Variants in EIF4G3 observed in about 807,000 individuals in gnomAD.
The protein encoded by EIF4G3 is eIF-4-gamma 3.
A neutral mutation model predicts 186.4 loss-of-function variants in EIF4G3; 34 were observed. The observed-to-expected ratio is 0.18, with a 90% CI of 0.14 to 0.24. The LOEUF (loss-of-function observed/expected upper bound fraction) is 0.24. Ranked by LOEUF, EIF4G3 falls within the 10% of genes least tolerant of loss-of-function variation. EIF4G3 has a pLI of 1.00. For missense variants in EIF4G3, 1,536 were observed against 1,948.5 expected (o/e 0.79, Z 3.99); for synonymous variants, 673 against 679.5 (o/e 0.99, Z 0.15).
intron 2 of EIF4G3, among the ~76,000 whole-genome samples, chr1:21,124,549 G>C (rs140661022): frequency 6.6e-6 from 1 of 152,174 alleles, no homozygotes; most frequent in African/African-American, 2.4e-5. Context: ...TGACTTCTGG[G>C]AATAGTCAGA....
At chr1:21,101,573 A>AAAAAAAAAAAAAAC (rs1300347804) in intron 2 of EIF4G3, among the ~76,000 whole-genome samples, 25 of 140,240 alleles carry the variant, frequency 1.8e-4, no homozygotes, top group Middle Eastern at 3.8e-3. Context: ...AAAAAAAAAA[A>AAAAAAAAAAAAAAC]AACAACAAAA....
chr1:20,984,598 T>TA (rs2079039617), intron 7 of EIF4G3, among the ~76,000 whole-genome samples: 1 of 151,254 alleles, frequency 6.6e-6, no homozygotes, highest in Admixed American at 6.6e-5. Context: ...ATACACTTTT[T>TA]TTTTTTTTTG....
chr1:21,003,536 T>C, intron 4 of EIF4G3: 1 of 254,636 alleles, frequency 3.9e-6, no homozygotes, highest in Non-Finnish European at 7.9e-6. Flanking sequence ...AAGTATGTAT[T>C]ATGTTGCTAG....
At chr1:21,034,927 A>AAGGGGGAGCCCTGGGGCTGC (rs2093051779) in intron 4 of EIF4G3, among the ~76,000 whole-genome samples, 1 of 152,108 alleles carries the variant, frequency 6.6e-6, no homozygotes, top group South Asian at 2.1e-4. Flanking sequence ...TAAGCCAGGC[A>AAGGGGGAGCCCTGGGGCTGC]AGGGGGAGCC....
At chr1:21,082,745 G>C (rs954771050) in intron 3 of EIF4G3, among the ~76,000 whole-genome samples, 2 of 151,780 alleles carry the variant, frequency 1.3e-5, no homozygotes, top group African/African-American at 4.8e-5. Context: ...CTGTTAAAAA[G>C]TTTAAAAAAT....
intron 33 of EIF4G3, among the ~76,000 whole-genome samples, chr1:20,817,789 C>A (rs1024043881): frequency 3.3e-5 from 5 of 151,330 alleles, no homozygotes; most frequent in Non-Finnish European, 7.4e-5. Context: ...ATCCTCCCAC[C>A]TCAGCCTCCT....
chr1:20,811,886 A>C (rs535109926), intron 35 of EIF4G3, among the ~76,000 whole-genome samples: 1 of 152,262 alleles, frequency 6.6e-6, no homozygotes, highest in South Asian at 2.1e-4. Context: ...TAGAAAAGGA[A>C]ATTAAAGTGA....
In EIF4G3 at chr1:20,851,334, G is replaced by C. The variant is rs111282256; in HGVS notation, c.3696C>G (p.Thr1232=). Residue 1232 remains threonine, a synonymous_variant, in exon 28 of 37, where the codon ACC becomes ACG. Coordinates refer to ENST00000602326, the MANE Select transcript of EIF4G3 (RefSeq NM_001391906.1). ...QEEQRREMLE[T]VKQLTGGVDV... is the part of the protein sequence containing the mutation. ...CCACACCTCCTGTGAGCTGCTTCAC[G>C]GTCTCCAGCATCTCTCTCCGCTGCT... The C allele has an allele frequency of 1.2e-6, 2 of 1,614,022 alleles. No individual in the cohort carries two copies. Among genetic ancestry groups the C allele is most frequent in the Admixed American group, 1.7e-5 (1 of 59,994 alleles).
chr1:20,844,494 T>A (rs1334503412), intron 29 of EIF4G3, among the ~76,000 whole-genome samples: 1 of 152,094 alleles, frequency 6.6e-6, no homozygotes, highest in Non-Finnish European at 1.5e-5. Flanking sequence ...TTTTAGTGTG[T>A]GTTTTTTTTT....
intron 12 of EIF4G3, among the ~76,000 whole-genome samples, chr1:20,961,234 T>C (rs2096562020): frequency 6.6e-6 from 1 of 151,836 alleles, no homozygotes; most frequent in Non-Finnish European, 1.5e-5. Flanking sequence ...AACACAAAAA[T>C]TAGCTGGGCA....
chr1:20,952,243 C>T (rs1159890609), intron 12 of EIF4G3, among the ~76,000 whole-genome samples: 1 of 151,128 alleles, frequency 6.6e-6, no homozygotes, highest in Non-Finnish European at 1.5e-5. Flanking sequence ...AAACCTCTGC[C>T]TCCCAGGTTC....
intron 13 of EIF4G3, among the ~76,000 whole-genome samples, chr1:20,948,970 C>CAAA (rs34585901): frequency 4.1e-4 from 21 of 51,338 alleles, no homozygotes; most frequent in African/African-American, 6.4e-4. Context: ...GACTCTGTCT[C>CAAA]AAAAAAAAAA....
At position 21,176,758 on chromosome 1, in the gene EIF4G3, G is replaced by A. The variant is rs984657330; in HGVS notation, c.-492C>T. 5.7e-6 allele frequency: 4 copies of A among 698,648 alleles called. No individual in the cohort carries two copies. The highest frequency in any genetic ancestry group is 2.7e-5 in the East Asian group (1 of 36,770). The allele number at this position is 698,648 out of a possible 1,614,324, so 43.3% of individuals were successfully genotyped here. A position where few individuals can be genotyped will look rare whatever the true frequency, so the allele number is the denominator to read the frequency against. ...ATATCCTCATGGGCCGGCGGCGGGG[G>A]ATCTTTATCCCCCTCCCCGGAGGAA... On this transcript the variant is annotated 5_prime_UTR_variant, in exon 1 of 37. Transcript: ENST00000602326.
chr1:21,071,507 CACT>C (rs1422279084), intron 3 of EIF4G3, among the ~76,000 whole-genome samples: 4 of 152,154 alleles, frequency 2.6e-5, no homozygotes, highest in Non-Finnish European at 5.9e-5. Flanking sequence ...AAACTGTATC[CACT>C]ACTACCATCT....
At chr1:21,042,485 T>G (rs552746695) in intron 4 of EIF4G3, among the ~76,000 whole-genome samples, 1 of 152,198 alleles carries the variant, frequency 6.6e-6, no homozygotes, top group African/African-American at 2.4e-5. Flanking sequence ...CAGTTCTTAG[T>G]TCTATAAAGA....
intron 3 of EIF4G3, among the ~76,000 whole-genome samples, chr1:21,066,319 A>G (rs2095240622): frequency 6.6e-6 from 1 of 151,938 alleles, no homozygotes; most frequent in Non-Finnish European, 1.5e-5. Context: ...TAAAAAATAT[A>G]AAAACATTAA....
rs902289175 is a variant in EIF4G3 at position 21,176,872 on chromosome 1, G to T, written c.-606C>A. The T allele has an allele frequency of 4.3e-6, 3 of 696,938 alleles. No homozygotes were observed. In the African/African-American group the frequency reaches 5.3e-5, roughly 12 times the overall value. The allele number at this position is 696,938 out of a possible 1,614,324, so 43.2% of individuals were successfully genotyped here. ...GAGCATCCAACATGGCGCTGTGGCCGCCTCCAGCAGTCCGGCAGGACGGCT... is the reference window on the plus strand; with the variant it reads ...GAGCATCCAACATGGCGCTGTGGCCTCCTCCAGCAGTCCGGCAGGACGGCT... On this transcript the variant is annotated 5_prime_UTR_variant, in exon 1 of 37. Coordinates refer to ENST00000602326, the MANE Select transcript of EIF4G3 (RefSeq NM_001391906.1).
At chr1:21,132,715 C>CA (rs1225991535) in intron 2 of EIF4G3, among the ~76,000 whole-genome samples, 1 of 151,810 alleles carries the variant, frequency 6.6e-6, no homozygotes, top group Non-Finnish European at 1.5e-5. Flanking sequence ...GCTAGAAGCA[C>CA]AGGCATGAGC....
intron 10 of EIF4G3, among the ~76,000 whole-genome samples, chr1:20,978,414 T>C (rs1323010105): frequency 1.3e-5 from 2 of 152,204 alleles, no homozygotes; most frequent in Non-Finnish European, 2.9e-5. Flanking sequence ...TTGAGACATT[T>C]AGTGAGGTTA....
Sources: allele counts gnomAD v4.1 joint callset (sites outside exome capture counted in the v4.1 genomes callset), GRCh38; gene constraint gnomAD v4.1.1; transcripts MANE v1.5; gene names NCBI Gene and HGNC (gene_info 2026-07-23, HGNC 2026-07-21).